Variants in FBLIM1 observed in about 807,000 individuals in gnomAD.
The protein encoded by FBLIM1 is filamin-binding LIM protein 1.
FBLIM1 carries 29 observed loss-of-function variants against 37.4 expected under a neutral mutation model. That is an observed-to-expected ratio of 0.77 (90% CI 0.58 to 1.06). The LOEUF is 1.06. Ranked by LOEUF, FBLIM1 falls within the 50% of genes least tolerant of loss-of-function variation. The pLI is 0.00. For synonymous variants in FBLIM1, 193 were observed against 199.0 expected, an observed-to-expected ratio of 0.97 and a Z score of 0.25; for missense variants, 449 against 505.6, an observed-to-expected ratio of 0.89 and a Z score of 1.07.
intron 8 of FBLIM1, among the ~76,000 whole-genome samples, chr1:15,782,134 G>T (rs1429627049): frequency 6.6e-6 from 1 of 151,908 alleles, no homozygotes; most frequent in Admixed American, 6.6e-5. Flanking sequence ...GAAACTGGTG[G>T]GGTGTGGTGG....
intron 8 of FBLIM1, among the ~76,000 whole-genome samples, chr1:15,780,644 C>T (rs558561601): frequency 1.5e-3 from 228 of 152,256 alleles, no homozygotes; most frequent in Middle Eastern, 0.01. Flanking sequence ...CTGTCTTCTC[C>T]GGTGATGGTG....
chr1:15,768,325 G>A (rs2069025715), intron 4 of FBLIM1, among the ~76,000 whole-genome samples: 2 of 152,196 alleles, frequency 1.3e-5, no homozygotes, highest in Admixed American at 1.3e-4. Context: ...AGGACAAGGA[G>A]CAGTGGCTGA....
At chr1:15,779,278 T>G (rs2069576027) in intron 8 of FBLIM1, among the ~76,000 whole-genome samples, 1 of 151,588 alleles carries the variant, frequency 6.6e-6, no homozygotes, top group East Asian at 1.9e-4. Context: ...TTAGAAATTG[T>G]CTCTTTTAAA....
chr1:15,774,532 C>A (rs2069393825), intron 6 of FBLIM1, 86 bp from the exon 7 acceptor site: 2 of 1,519,952 alleles, frequency 1.3e-6, no homozygotes, highest in Non-Finnish European at 8.8e-7. Context: ...TCCTGGGCCC[C>A]TGAGGGCAGC....
chr1:15,776,286 AAATAT>A (rs1163098504), intron 7 of FBLIM1, among the ~76,000 whole-genome samples: 2 of 152,122 alleles, frequency 1.3e-5, no homozygotes, highest in Non-Finnish European at 2.9e-5. Context: ...ACTGAAAAAT[AAATAT>A]AATGTCACAG....
rs2068871451 is a variant in FBLIM1, at chr1:15,765,471, G to A, written c.250+238G>A. Among the ~76,000 whole-genome samples the A allele has an allele frequency of 6.6e-6, 1 of 152,086 alleles. No individual in the cohort carries two copies. The highest frequency in any genetic ancestry group is 6.6e-5 in the Admixed American group (1 of 15,250). ...TGGGATTATGGGAAGAGGATCTTGG[G>A]AGTGTGGGAACAAGATCAAACTTGC... On this transcript the variant is annotated intron_variant, in intron 3 of 8. Transcript: ENST00000375766. This position sits in a 1 kb window ranked among gnomAD's most constrained non-coding sequence, Gnocchi z 5.9.
intron 5 of FBLIM1, among the ~76,000 whole-genome samples, chr1:15,770,099 A>G (rs566275100): frequency 6.6e-6 from 1 of 151,596 alleles, no homozygotes; most frequent in Non-Finnish European, 1.5e-5. Context: ...GGGGCATGCC[A>G]CTATGCCCGG....
intron 5 of FBLIM1, among the ~76,000 whole-genome samples, chr1:15,769,927 C>T (rs1016169614): frequency 2.6e-5 from 4 of 151,760 alleles, no homozygotes; most frequent in South Asian, 2.1e-4. Context: ...GCCACCGCGC[C>T]GGGCTCTTTA....
chr1:15,776,116 T>A (rs1569857025), intron 7 of FBLIM1, among the ~76,000 whole-genome samples: 1 of 151,964 alleles, frequency 6.6e-6, no homozygotes, highest in Non-Finnish European at 1.5e-5. Flanking sequence ...GACAAAAACA[T>A]ATATAAAAAA....
chr1:15,760,580 G>T (rs2068626110), intron 1 of FBLIM1, among the ~76,000 whole-genome samples: 2 of 149,610 alleles, frequency 1.3e-5, no homozygotes, highest in Non-Finnish European at 1.5e-5. Context: ...GGCCCCAGAG[G>T]TTTTTTTGTT....
At chr1:15,780,474 C>T (rs1168854809) in intron 8 of FBLIM1, among the ~76,000 whole-genome samples, 2 of 152,132 alleles carry the variant, frequency 1.3e-5, no homozygotes, top group African/African-American at 4.8e-5. Context: ...TGCTGGGTGG[C>T]GTGAGCCACC....
chr1:15,767,662 C>T (rs2068993560), intron 4 of FBLIM1, 99 bp downstream of exon 4: 4 of 522,274 alleles, frequency 7.7e-6, no homozygotes, highest in Non-Finnish European at 1.0e-5. Context: ...TAAACCTGGA[C>T]TTTGTCTGGT....
chr1:15,769,408 C>T (rs1357918678), intron 5 of FBLIM1, among the ~76,000 whole-genome samples: 5 of 151,808 alleles, frequency 3.3e-5, no homozygotes, highest in Middle Eastern at 3.2e-3. Flanking sequence ...ACCCAGGAGG[C>T]GGAGGTTGCA....
chr1:15,783,984 A>T (rs10927853), intron 8 of FBLIM1, among the ~76,000 whole-genome samples: 151,918 of 152,168 alleles, frequency 1, 75,837 homozygotes, highest in Middle Eastern at 1. Flanking sequence ...AGGTCAGGAG[A>T]TCGAGACCAG....
intron 4 of FBLIM1, among the ~76,000 whole-genome samples, chr1:15,768,188 C>T (rs2069019695): frequency 1.3e-5 from 2 of 152,166 alleles, no homozygotes; most frequent in African/African-American, 4.8e-5. Context: ...TGGCCAGGAA[C>T]CTGTTTTTTA....
chr1:15,759,658 A>G (rs1214021262), intron 1 of FBLIM1, among the ~76,000 whole-genome samples: 1 of 152,030 alleles, frequency 6.6e-6, no homozygotes, highest in Non-Finnish European at 1.5e-5. Context: ...TTCCTTATAT[A>G]TCCTCTCAGC....
intron 5 of FBLIM1, among the ~76,000 whole-genome samples, chr1:15,770,119 G>A (rs2069130998): frequency 6.6e-6 from 1 of 151,580 alleles, no homozygotes; most frequent in African/African-American, 2.4e-5. Context: ...GCTAATTTTT[G>A]TATTTTTAGT....
intron 7 of FBLIM1, among the ~76,000 whole-genome samples, chr1:15,776,433 G>C (rs1416396842): frequency 6.6e-6 from 1 of 152,206 alleles, no homozygotes; most frequent in Non-Finnish European, 1.5e-5. Flanking sequence ...TTGGGGCCCT[G>C]CTCTGAAAGC....
intron 5 of FBLIM1, 118 bp from the exon 6 acceptor site, chr1:15,770,291 T>G: frequency 9.5e-7 from 1 of 1,050,728 alleles, no homozygotes. Context: ...TATTTGTCAT[T>G]TGAGGAATTT....
Sources: gnomAD v4.1 joint callset for allele counts (sites outside exome capture counted in the v4.1 genomes callset) on GRCh38, gnomAD v4.1.1 for gene constraint, Gnocchi (gnomAD v3.1) non-coding constraint, MANE v1.5 for transcripts, NCBI Gene and HGNC (gene_info 2026-07-23, HGNC 2026-07-21) for gene names.